The following IMPDH2 variants were observed in gnomAD, a reference collection of about 807,000 sequenced individuals.
IMPDH2 encodes inosine-5'-monophosphate dehydrogenase 2.
In IMPDH2, 33 loss-of-function variants were observed where a neutral mutation model predicts 57.8. That is an observed-to-expected ratio of 0.57 (90% confidence interval 0.43 to 0.76). IMPDH2 has a LOEUF of 0.76. IMPDH2 is among the 30% of genes least tolerant of loss of function. The pLI is 0.00. For missense variants in IMPDH2, 446 were observed against 659.1 expected (o/e 0.68, Z 3.54); for synonymous variants, 270 against 241.3 (o/e 1.12, Z -1.10).
At position 49,024,475 on chromosome 3, in the gene IMPDH2, C is replaced by A. The variant is rs764830412; in HGVS notation, c.1523+20G>T. The A allele has an allele frequency of 6.2e-7, 1 of 1,614,164 alleles. No homozygotes were observed. The highest frequency in any genetic ancestry group is 8.5e-7 in the Non-Finnish European group (1 of 1,179,996). On this transcript the variant is annotated intron_variant, in intron 13 of 13. Coordinates refer to ENST00000326739, the MANE Select transcript of IMPDH2 (RefSeq NM_000884.3). ...GGCATGAGGTATGGCAGAGGCCCCA[C>A]CAAGGACAGGGTGACTTACGAATGG...
rs767462489 is a variant in IMPDH2 at position 49,027,706 on chromosome 3, C to T, written c.531+4G>A. 1.1e-5 allele frequency: 17 copies of T among 1,613,286 alleles called. No individual in the cohort carries two copies. In the Admixed American group the frequency reaches 2.8e-4, roughly 27 times the overall value. ...CTTGGATCTACTCTGCCAGTGGCAC[C>T]CACCTCTTCCAAGAAACAGTCATGT... On this transcript the variant is annotated splice_donor_region_variant and intron_variant, in intron 5 of 13. Transcript: ENST00000326739.
In IMPDH2 at chr3:49,024,986, A is replaced by G; in HGVS notation, c.1205T>C (p.Phe402Ser). Residue 402 changes from phenylalanine (F) to serine (S), a missense_variant, in exon 11 of 14, where the codon TTT becomes TCT. Physicochemically the swap from Phe to Ser is radical, Grantham distance 155. Coordinates refer to ENST00000326739, the MANE Select transcript of IMPDH2 (RefSeq NM_000884.3). The stretch of plus-strand genomic sequence containing the variant: ...TTTCTTTAGCCGGATCCCATCGGAA[A>G]AGAAGTATTCACCAGGGGCCTCAGT... Reference protein sequence around the residue: ...ATTEAPGEYFFSDGIRLKKYR... With the variant: ...ATTEAPGEYFSSDGIRLKKYR... 6.2e-7 allele frequency: 1 copy of G among 1,614,238 alleles called. No individual in the cohort carries two copies. The highest frequency in any genetic ancestry group is 8.5e-7 in the Non-Finnish European group (1 of 1,180,048).
Position 49,026,350 on chromosome 3 carries a change from C to T in IMPDH2, c.980G>A (p.Ser327Asn). The T allele has an allele frequency of 1.2e-6, 2 of 1,613,104 alleles. No individual in the cohort carries two copies. The highest frequency in any genetic ancestry group is 1.7e-6 in the Non-Finnish European group (2 of 1,179,508). ...TTCCTGCGTAATGCAGATGGAGCCACTTCCCATGCCCACCCGCAGGGCATC... is the reference window on the plus strand; with the variant it reads ...TTCCTGCGTAATGCAGATGGAGCCATTTCCCATGCCCACCCGCAGGGCATC... ...GVDALRVGMG[S>N]GSICITQEVL... The change falls in exon 9 of 14, where the codon AGT (serine) becomes AAT (asparagine). Residue 327 changes from serine to asparagine, a missense_variant. Transcript: ENST00000326739.
At position 49,028,542 on chromosome 3, in the gene IMPDH2, C is replaced by G. The variant is rs1395450676; in HGVS notation, c.148-10G>C. 1.2e-6 allele frequency: 2 copies of G among 1,602,330 alleles called. No individual in the cohort carries two copies. Among genetic ancestry groups the G allele is most frequent in the African/African-American group, 2.7e-5 (2 of 74,746 alleles). On this transcript the variant is annotated splice_polypyrimidine_tract_variant and intron_variant, in intron 2 of 13. Transcript: ENST00000326739. ...GAGCAGAAGTCAGGTCCTGAGGAGA[C>G]AAACGTCAACCAGTGTGGGAAAGCA...
chr3:49,026,083 G>A (rs959676148), intron 9 of IMPDH2: 2 of 632,336 alleles, frequency 3.2e-6, no homozygotes, highest in Non-Finnish European at 5.9e-6. Context: ...AAAACAAACA[G>A]ACCAGAGTTT....
chr3:49,026,223 C>T, intron 9 of IMPDH2, 101 bp downstream of exon 9: 1 of 901,986 alleles, frequency 1.1e-6, no homozygotes, highest in Non-Finnish European at 1.8e-6. Flanking sequence ...CAGGGTTGCC[C>T]CTATTGGAGG....
At position 49,024,785 on chromosome 3, in the gene IMPDH2, T is replaced by A; in HGVS notation, c.1313A>T (p.Lys438Ile). 1.2e-6 allele frequency: 2 copies of A among 1,614,120 alleles called. No individual in the cohort carries two copies. The highest frequency in any genetic ancestry group is 1.7e-6 in the Non-Finnish European group (2 of 1,179,996). The change falls in exon 12 of 14, where the codon AAA becomes ATA. Residue 438 changes from lysine to isoleucine, a missense_variant. Transcript: ENST00000326739. ...AGCACCAGACACTCCCTGGGCCACT[T>A]TGATTTTGTCAGCTTCACTGCAGGG... ...NRYFSEADKI[K>I]VAQGVSGAVQ...
intron 4 of IMPDH2, 26 bp downstream of exon 4, chr3:49,028,222 T>G (rs2093207927): frequency 1.9e-6 from 3 of 1,593,498 alleles, no homozygotes; most frequent in Non-Finnish European, 2.6e-6. Flanking sequence ...CCAGGAGCGC[T>G]TGCTAATGAT....
chr3:49,025,277 G>T lies in IMPDH2; in HGVS notation c.1007-8C>A. 2 of 1,614,222 alleles carry T rather than the reference G, an allele frequency of 1.2e-6. No individual in the cohort carries two copies. Among genetic ancestry groups the T allele is most frequent in the Non-Finnish European group, 1.7e-6 (2 of 1,180,032 alleles). On this transcript the variant is annotated splice_region_variant and splice_polypyrimidine_tract_variant and intron_variant, in intron 9 of 13. Transcript: ENST00000326739. The stretch of plus-strand genomic sequence containing the variant: ...GCCGCCCACAGGCCAGCACTGTTGA[G>T]ATGGAGGAACACATGGGTGGATAGG...
Position 49,028,765 on chromosome 3 carries a change from T to G in IMPDH2, c.140A>C (p.Asp47Ala). Residue 47 changes from aspartate to alanine, a missense_variant, in exon 2 of 14, where the codon GAC becomes GCC. Physicochemically the swap from Asp to Ala is moderately radical, Grantham distance 126. Transcript: ENST00000326739. ...ILPGYIDFTA[D>A]QVDLTSALTK... is the part of the protein sequence containing the mutation. ...ATTCCTGATCATACTCACCACCTGG[T>G]CTGCAGTGAAGTCGATGTACCCAGG... 6.2e-7 allele frequency: 1 copy of G among 1,613,414 alleles called. No homozygotes were observed. The highest frequency in any genetic ancestry group is 8.5e-7 in the Non-Finnish European group (1 of 1,179,388).
At chr3:49,027,102 CTCTTT>C (rs1220296460) in intron 5 of IMPDH2, 55 bp from the exon 6 acceptor site, 3 of 1,344,248 alleles carry the variant, frequency 2.2e-6, no homozygotes. Context: ...GACCAGTTAA[CTCTTT>C]TCTTTCCTTC....
At chr3:49,025,834 G>T (rs1157078883) in intron 9 of IMPDH2, among the ~76,000 whole-genome samples, 1 of 152,234 alleles carries the variant, frequency 6.6e-6, no homozygotes, top group Non-Finnish European at 1.5e-5. Context: ...CCAGAAGGAA[G>T]AGGGAGCTAT....
intron 12 of IMPDH2, 36 bp from the exon 13 acceptor site, chr3:49,024,614 C>G: frequency 6.2e-7 from 1 of 1,614,164 alleles, no homozygotes; most frequent in Non-Finnish European, 8.5e-7. Flanking sequence ...GGGTAGCTGG[C>G]CCTGGACCAG....
Position 49,027,861 on chromosome 3 carries a change from A to G in IMPDH2, c.380T>C (p.Val127Ala). ...DPVVLSPKDR[V>A]RDVFEAKARH... ...GGCCTTGGCCTCAAAAACATCCCGC[A>G]CGCGATCCTTGGGGCTGAGGACCAC... The change falls in exon 5 of 14, where the codon GTG (valine) becomes GCG (alanine). Residue 127 changes from valine (V) to alanine (A), a missense_variant. Coordinates refer to ENST00000326739, the MANE Select transcript of IMPDH2 (RefSeq NM_000884.3). 1 of 1,614,184 alleles carries G rather than the reference A, an allele frequency of 6.2e-7. No individual in the cohort carries two copies. The highest frequency in any genetic ancestry group is 8.5e-7 in the Non-Finnish European group (1 of 1,180,036).
In IMPDH2 at chr3:49,024,700, G is replaced by A. The variant is rs145172215; in HGVS notation, c.1398C>T (p.His466=). 4.3e-6 allele frequency: 7 copies of A among 1,614,236 alleles called. No individual in the cohort carries two copies. The Middle Eastern group carries it at 4.9e-4, about 114-fold the overall frequency. ...FVPYLIAGIQ[H]SCQDIGAKSL... The stretch of plus-strand genomic sequence containing the variant: ...TCTTGGCACCAATGTCCTGGCATGA[G>A]TGTTGGATGCCAGCAATCAGGTAAG... The change falls in exon 12 of 14, where the codon CAC becomes CAT. Residue 466 remains histidine, a synonymous_variant. Transcript: ENST00000326739.
In IMPDH2 at chr3:49,024,594, G is replaced by A. The variant is rs1220401197; in HGVS notation, c.1440-16C>T. On this transcript the variant is annotated splice_polypyrimidine_tract_variant and intron_variant, in intron 12 of 13. Coordinates refer to ENST00000326739, the MANE Select transcript of IMPDH2 (RefSeq NM_000884.3). ...CATCATGGCTCTGAAGAAGGGCAGA[G>A]GTCAAATGTGGGTAGCTGGCCCTGG... 1 of 1,614,184 alleles carries A rather than the reference G, an allele frequency of 6.2e-7. No homozygotes were observed. The highest frequency in any genetic ancestry group is 8.5e-7 in the Non-Finnish European group (1 of 1,180,016).
At chr3:49,025,098 A>C (rs745925926) in intron 10 of IMPDH2, 28 bp downstream of exon 10, 37 of 1,614,122 alleles carry the variant, frequency 2.3e-5, no homozygotes, top group Non-Finnish European at 3.0e-5. Flanking sequence ...AGGGGGTCCC[A>C]CTGGCCTTCA....
At chr3:49,025,358 G>A in intron 9 of IMPDH2, 89 bp from the exon 10 acceptor site, 1 of 1,414,086 alleles carries the variant, frequency 7.1e-7, no homozygotes, top group South Asian at 1.2e-5. Context: ...AGGAGCTTTT[G>A]GCTACATCTG....
intron 9 of IMPDH2, chr3:49,025,933 C>T (rs2093196637): frequency 8.7e-6 from 4 of 462,030 alleles, no homozygotes; most frequent in South Asian, 3.1e-5. Flanking sequence ...GCTACAGCTA[C>T]GTCAACCAAG....
Sources: gnomAD v4.1 joint callset for allele counts (sites outside exome capture counted in the v4.1 genomes callset) on GRCh38, gnomAD v4.1.1 for gene constraint, MANE v1.5 for transcripts, NCBI Gene and HGNC (gene_info 2026-07-23, HGNC 2026-07-21) for gene names.